Variants in PMPCB observed in about 807,000 individuals in gnomAD.
PMPCB encodes the protein mitochondrial-processing peptidase subunit beta.
PMPCB carries 46 observed loss-of-function variants against 61.5 expected under a neutral mutation model. The observed-to-expected ratio is 0.75, with a 90% CI of 0.59 to 0.96. The LOEUF is 0.96. Among genes scored for constraint, PMPCB ranks in the 40% least tolerant of loss-of-function variants. PMPCB has a pLI of 0.00. For missense variants in PMPCB, 590 were observed against 602.4 expected (o/e 0.98, Z 0.22); for synonymous variants, 191 against 201.6 (o/e 0.95, Z 0.44).
rs1386000324 is a variant in PMPCB at position 103,314,552 on chromosome 7, C to G, written c.*2281C>G. The G allele has an allele frequency of 1.0e-6, 1 of 985,154 alleles. No homozygotes were observed. Among genetic ancestry groups the G allele is most frequent in the Non-Finnish European group, 1.2e-6 (1 of 829,834 alleles). The allele number at this position is 985,154 out of a possible 1,614,324, so 61.0% of individuals were successfully genotyped here. On this transcript the variant is annotated 3_prime_UTR_variant, in exon 13 of 13. Coordinates refer to ENST00000249269, the MANE Select transcript of PMPCB (RefSeq NM_004279.3). ...CTAAGAAAGAGCTGAGACTAGTGTGCTAATACCTGTTGTATTTTGTGGAGA... is the reference window on the plus strand; with the variant it reads ...CTAAGAAAGAGCTGAGACTAGTGTGGTAATACCTGTTGTATTTTGTGGAGA...
At chr7:103,320,762 C>CAT (rs71519145) in intron 12 of PMPCB, 1,967 of 135,846 alleles carry the variant, frequency 0.014, 14 homozygotes, top group Non-Finnish European at 0.021. Context: ...TATATATACA[C>CAT]ATATATATAT....
At chr7:103,323,142 C>G (rs565345041) in intron 12 of PMPCB, among the ~76,000 whole-genome samples, 29 of 152,266 alleles carry the variant, frequency 1.9e-4, no homozygotes, top group South Asian at 4.1e-4. Flanking sequence ...GTTGGCCAGG[C>G]TGGTCTCGCA....
At chr7:103,314,732 T>C, downstream of PMPCB, 3 of 769,222 alleles carry the variant, frequency 3.9e-6, no homozygotes, top group Non-Finnish European at 4.7e-6. Flanking sequence ...TCCTCCCCTA[T>C]ATTAACACTG....
chr7:103,330,362 ACTGTAGT>A, downstream of PMPCB, among the ~76,000 whole-genome samples: 1 of 151,692 alleles, frequency 6.6e-6, no homozygotes, highest in Non-Finnish European at 1.5e-5. Context: ...ATCTCAGCTC[ACTGTAGT>A]CTTAACCTCC....
At chr7:103,344,735 A>G in the PMPCB span, 2 of 1,090,264 alleles carry the variant, frequency 1.8e-6, no homozygotes, top group Admixed American at 2.0e-5. Flanking sequence ...TGGCTCTAAG[A>G]CGCCCAGGAA....
At chr7:103,331,152 T>C (rs192538207), downstream of PMPCB, among the ~76,000 whole-genome samples, 2 of 152,082 alleles carry the variant, frequency 1.3e-5, no homozygotes, top group Non-Finnish European at 2.9e-5. Flanking sequence ...AGACAGGGTT[T>C]TGCCATGTTG....
intron 6 of PMPCB, among the ~76,000 whole-genome samples, chr7:103,306,504 T>C (rs1586045425): frequency 6.6e-6 from 1 of 151,894 alleles, no homozygotes; most frequent in East Asian, 1.9e-4. Flanking sequence ...TGCCTTAGCC[T>C]CCCGAGTAGC....
At chr7:103,323,658 T>C in intron 12 of PMPCB, 1 of 1,433,662 alleles carries the variant, frequency 7.0e-7, no homozygotes, top group South Asian at 1.3e-5. Context: ...AGAATCAAAA[T>C]TATACCTAAT....
the PMPCB span, among the ~76,000 whole-genome samples, chr7:103,339,745 G>C: frequency 0.034 from 5,172 of 152,130 alleles, 275 homozygotes; most frequent in African/African-American, 0.12. Context: ...GGGATTATAA[G>C]CATGTGCCAC....
intron 8 of PMPCB, among the ~76,000 whole-genome samples, chr7:103,310,014 C>G (rs1817692406): frequency 6.6e-6 from 1 of 152,114 alleles, no homozygotes; most frequent in African/African-American, 2.4e-5. Context: ...CGTATGTAGC[C>G]AAGAGTCCTA....
intron 2 of PMPCB, 50 bp downstream of exon 2, chr7:103,298,758 A>C (rs1392487852): frequency 6.4e-7 from 1 of 1,561,502 alleles, no homozygotes; most frequent in Non-Finnish European, 8.7e-7. Flanking sequence ...TTAGCGTAGC[A>C]AATTGTTGAT....
Position 103,300,458 on chromosome 7 carries a change from AT to A in PMPCB, c.457+159del, listed in dbSNP as rs1817419981. The A allele has an allele frequency of 3.0e-5, 15 of 499,946 alleles. No homozygotes were observed. In the South Asian group the frequency reaches 6.5e-4, roughly 22 times the overall value. The allele number at this position is 499,946 out of a possible 1,614,324, so 31.0% of individuals were successfully genotyped here. A position where few individuals can be genotyped will look rare whatever the true frequency, so the allele number is the denominator to read the frequency against. On this transcript the variant is annotated intron_variant, in intron 4 of 12. Transcript: ENST00000249269. ...TCTGGGTGAGGGTACAGCTGATCTT[AT>A]TTTTTTTCTAAATATGACAAATAGT...
intron 8 of PMPCB, among the ~76,000 whole-genome samples, chr7:103,310,015 A>C (rs1243668003): frequency 1.3e-5 from 2 of 152,248 alleles, no homozygotes; most frequent in Non-Finnish European, 2.9e-5. Flanking sequence ...GTATGTAGCC[A>C]AGAGTCCTAG....
chr7:103,300,594 C>CT (rs1817423246), intron 4 of PMPCB, among the ~76,000 whole-genome samples: 1 of 152,218 alleles, frequency 6.6e-6, no homozygotes, highest in Admixed American at 6.5e-5. Flanking sequence ...TGTTTGTAGA[C>CT]TGTTTTGACT....
the PMPCB span, chr7:103,344,548 T>C: frequency 6.2e-7 from 1 of 1,613,670 alleles, no homozygotes; most frequent in Non-Finnish European, 8.5e-7. Flanking sequence ...CGAGGTTGGG[T>C]GGGCACTTAC....
rs138088754 is a variant in PMPCB, at chr7:103,314,346, C to G, written c.*2075C>G. The G allele has an allele frequency of 1.1e-4, 107 of 985,382 alleles. No individual in the cohort carries two copies. Among genetic ancestry groups the G allele is most frequent in the Non-Finnish European group, 1.2e-4 (102 of 829,896 alleles). 61.0% of individuals were successfully genotyped at this position (985,382 alleles called of 1,614,324 possible). A position where few individuals can be genotyped will look rare whatever the true frequency, so the allele number is the denominator to read the frequency against. On this transcript the variant is annotated 3_prime_UTR_variant, in exon 13 of 13. Transcript: ENST00000249269. ...CTATTCAAAAAATGGTGCCAGCTTG[C>G]TGTTTAATGGTACAACTGAAGAGGA...
chr7:103,311,670 A>C lies in PMPCB; in HGVS notation c.1182A>C (p.Glu394Asp), dbSNP rs1817756764. Residue 394 changes from glutamate (E) to aspartate (D), a missense_variant, in exon 10 of 13, where the codon GAA becomes GAC. Physicochemically the swap from Glu to Asp is conservative, Grantham distance 45 (BLOSUM62 2). Coordinates refer to ENST00000249269, the MANE Select transcript of PMPCB (RefSeq NM_004279.3). ...EWMRLCTSVTESEVARARNLL... is the reference protein window; with the variant it reads ...EWMRLCTSVTDSEVARARNLL... ...TGCGACTCTGTACAAGTGTCACAGA[A>C]AGTGAGGTTGCACGAGCCAGAAATC... 2 of 1,614,074 alleles carry C rather than the reference A, an allele frequency of 1.2e-6. No individual in the cohort carries two copies. Among genetic ancestry groups the C allele is most frequent in the Non-Finnish European group, 8.5e-7 (1 of 1,179,934 alleles).
intron 12 of PMPCB, chr7:103,327,425 G>T (rs887844586): frequency 1.1e-6 from 1 of 871,606 alleles, no homozygotes. Context: ...CAGGGCCTGA[G>T]ACTGCATTTC....
chr7:103,306,336 A>G (rs940589666), intron 6 of PMPCB, among the ~76,000 whole-genome samples: 5 of 150,512 alleles, frequency 3.3e-5, no homozygotes, highest in African/African-American at 1.2e-4. Context: ...TTGGATACCT[A>G]TTGATGTATT....
Sources: allele counts gnomAD v4.1 joint callset (sites outside exome capture counted in the v4.1 genomes callset), GRCh38; gene constraint gnomAD v4.1.1; transcripts MANE v1.5; gene names NCBI Gene and HGNC (gene_info 2026-07-23, HGNC 2026-07-21).